C8orf34: variants seen among roughly 807,000 people sequenced by gnomAD.
C8orf34 encodes uncharacterized protein C8orf34.
In C8orf34, 65 loss-of-function variants were observed where a neutral mutation model predicts 68.3. The observed-to-expected ratio is 0.95, with a 90% CI of 0.78 to 1.17. The LOEUF (loss-of-function observed/expected upper bound fraction) is 1.17. Ranked by LOEUF, C8orf34 falls within the 50% of genes most tolerant of loss-of-function variation. The pLI is 0.00. For missense variants in C8orf34, 664 were observed against 655.4 expected (o/e 1.01, Z -0.14); for synonymous variants, 244 against 241.2 (o/e 1.01, Z -0.11).
intron 1 of C8orf34, among the ~76,000 whole-genome samples, chr8:68,416,129 T>C (rs1230224002): frequency 6.6e-6 from 1 of 152,226 alleles, no homozygotes; most frequent in East Asian, 1.9e-4. Flanking sequence ...TGGTGTTTTA[T>C]AGACTTTGGG....
chr8:68,443,451 G>T (rs1156547202), intron 2 of C8orf34, among the ~76,000 whole-genome samples: 1 of 152,118 alleles, frequency 6.6e-6, no homozygotes, highest in Admixed American at 6.5e-5. Context: ...CTGGAGTGCA[G>T]TGGCATGATC....
intron 12 of C8orf34, among the ~76,000 whole-genome samples, chr8:68,813,131 C>T (rs1824704422): frequency 6.6e-6 from 1 of 152,138 alleles, no homozygotes; most frequent in Non-Finnish European, 1.5e-5. Flanking sequence ...GTGTTCTAAT[C>T]CATAATATTA....
At chr8:68,367,985 ACTCTG>A (rs778986106) in intron 1 of C8orf34, among the ~76,000 whole-genome samples, 22 of 150,234 alleles carry the variant, frequency 1.5e-4, no homozygotes, top group East Asian at 5.9e-4. Flanking sequence ...GGTAATTTCT[ACTCTG>A]CTCTGCACTA....
intron 1 of C8orf34, among the ~76,000 whole-genome samples, chr8:68,396,041 A>G (rs187160873): frequency 8.5e-5 from 13 of 152,106 alleles, no homozygotes; most frequent in Admixed American, 8.5e-4. Context: ...ATATTATTAT[A>G]CCCCATACTT....
At chr8:68,648,614 A>G (rs1447690761) in intron 8 of C8orf34, among the ~76,000 whole-genome samples, 1 of 152,210 alleles carries the variant, frequency 6.6e-6, no homozygotes. Flanking sequence ...GCATTCCTTC[A>G]TGCTTAACAT....
chr8:68,673,972 G>T (rs1041970122), intron 8 of C8orf34, among the ~76,000 whole-genome samples: 7 of 152,204 alleles, frequency 4.6e-5, no homozygotes, highest in African/African-American at 1.4e-4. Context: ...ATTAAGGGAA[G>T]AGAACAAGAG....
At chr8:68,434,292 C>T (rs1475750635) in intron 1 of C8orf34, among the ~76,000 whole-genome samples, 1 of 152,182 alleles carries the variant, frequency 6.6e-6, no homozygotes, top group East Asian at 1.9e-4. Flanking sequence ...AATGCTCTCC[C>T]TCCCCTTACC....
intron 10 of C8orf34, among the ~76,000 whole-genome samples, chr8:68,748,054 C>T (rs2129527518): frequency 6.7e-6 from 1 of 150,194 alleles, no homozygotes; most frequent in East Asian, 1.9e-4. Flanking sequence ...ATCAATGGAA[C>T]ACAACAGAGC....
At chr8:68,582,674 T>C (rs4576413) in intron 7 of C8orf34, among the ~76,000 whole-genome samples, 1 of 151,852 alleles carries the variant, frequency 6.6e-6, no homozygotes, top group Non-Finnish European at 1.5e-5. Context: ...CAAAGCACCA[T>C]ATTTTAGGTA....
intron 7 of C8orf34, among the ~76,000 whole-genome samples, chr8:68,613,215 G>A (rs1818075084): frequency 6.6e-6 from 1 of 152,094 alleles, no homozygotes; most frequent in South Asian, 2.1e-4. Context: ...AGACAGTAAT[G>A]GGAATTCTTG....
chr8:68,631,675 G>C lies in C8orf34; in HGVS notation c.1106-8701G>C, dbSNP rs142494718. ...CCCCATGTGTGGAGGGAAGGACCTGGTGGGAGGTGATTAAATCATGGGAGT... is the reference window on the plus strand; with the variant it reads ...CCCCATGTGTGGAGGGAAGGACCTGCTGGGAGGTGATTAAATCATGGGAGT... On this transcript the variant is annotated intron_variant, in intron 7 of 13. Coordinates refer to ENST00000518698, the MANE Select transcript of C8orf34 (RefSeq NM_052958.4). Among the ~76,000 whole-genome samples the C allele has an allele frequency of 1.7e-4, 26 of 152,238 alleles. No homozygotes were observed. The East Asian group carries it at 5.0e-3, about 29-fold the overall frequency.
intron 1 of C8orf34, among the ~76,000 whole-genome samples, chr8:68,412,479 C>T (rs1015103058): frequency 4.6e-5 from 7 of 152,004 alleles, no homozygotes; most frequent in African/African-American, 1.7e-4. Context: ...TTACATTTCC[C>T]ACCACTCCTC....
intron 5 of C8orf34, among the ~76,000 whole-genome samples, chr8:68,496,611 C>CT: frequency 6.6e-6 from 1 of 152,296 alleles, no homozygotes. Context: ...GCTTGCCTCA[C>CT]TAAGTACACC....
chr8:68,528,953 C>A (rs563383559), intron 6 of C8orf34, among the ~76,000 whole-genome samples: 1 of 152,298 alleles, frequency 6.6e-6, no homozygotes, highest in Non-Finnish European at 1.5e-5. Flanking sequence ...CACTCATGCT[C>A]CGCCTAGGGC....
At chr8:68,697,205 C>T (rs1435354172) in intron 8 of C8orf34, among the ~76,000 whole-genome samples, 2 of 151,590 alleles carry the variant, frequency 1.3e-5, no homozygotes, top group Non-Finnish European at 2.9e-5. Flanking sequence ...TTGATATTTC[C>T]TTTTATTTGC....
At chr8:68,798,065 G>C (rs1013528805) in intron 12 of C8orf34, among the ~76,000 whole-genome samples, 5 of 152,102 alleles carry the variant, frequency 3.3e-5, no homozygotes, top group Admixed American at 1.3e-4. Flanking sequence ...AAACTTTCTA[G>C]TAGTCTGTAG....
intron 5 of C8orf34, among the ~76,000 whole-genome samples, chr8:68,516,251 G>A (rs565782902): frequency 6.6e-6 from 1 of 152,328 alleles, no homozygotes; most frequent in South Asian, 2.1e-4. Flanking sequence ...CACTGCATAT[G>A]CACTGTTTTT....
chr8:68,729,022 T>C (rs1452118515), intron 10 of C8orf34, among the ~76,000 whole-genome samples: 1 of 152,192 alleles, frequency 6.6e-6, no homozygotes, highest in African/African-American at 2.4e-5. Context: ...TTGGATAAGA[T>C]GCAAATATAC....
chr8:68,808,013 C>T (rs1563681047), intron 12 of C8orf34, among the ~76,000 whole-genome samples: 1 of 151,908 alleles, frequency 6.6e-6, no homozygotes, highest in Non-Finnish European at 1.5e-5. Context: ...GAGGATTTTA[C>T]AACCCTTCTT....
Sources: allele counts gnomAD v4.1 joint callset (sites outside exome capture counted in the v4.1 genomes callset), GRCh38; gene constraint gnomAD v4.1.1; transcripts MANE v1.5; gene names NCBI Gene and HGNC (gene_info 2026-07-23, HGNC 2026-07-21).